C2CD2: variants seen among roughly 807,000 people sequenced by gnomAD.
C2CD2 encodes the protein C2 domain-containing protein 2.
In C2CD2, 43 loss-of-function variants were observed where a neutral mutation model predicts 74.3. That is an observed-to-expected ratio of 0.58 (90% CI 0.45 to 0.75). C2CD2 has a LOEUF of 0.75. Ranked by LOEUF, C2CD2 falls within the 30% of genes least tolerant of loss-of-function variation. The pLI is 0.00. For missense variants in C2CD2, 801 were observed against 916.3 expected (o/e 0.87, Z 1.63); for synonymous variants, 422 against 390.7 (o/e 1.08, Z -0.94).
intron 3 of C2CD2, among the ~76,000 whole-genome samples, chr21:41,919,187 AATGTGTGC>A (rs2065128167): frequency 6.6e-6 from 1 of 151,920 alleles, no homozygotes; most frequent in Admixed American, 6.5e-5. Context: ...TGTGAGTGTG[AATGTGTGC>A]ATGTGCATGT....
In C2CD2 at chr21:41,918,952, G is replaced by A. The variant is rs531119471; in HGVS notation, c.501C>T (p.Phe167=). Reference sequence around the variant, plus strand: ...GGTCCTCTCTCTTCTCCTTCATGTGGAACTCCAGCTATTAAAAAACAAGTT... The same window carrying A: ...GGTCCTCTCTCTTCTCCTTCATGTGAAACTCCAGCTATTAAAAAACAAGTT... ...RLSPFHLQLE[F]HMKEKREDLQ... The change falls in exon 4 of 14, where the codon TTC becomes TTT. Residue 167 remains phenylalanine (F), a synonymous_variant. Coordinates refer to ENST00000380486, the MANE Select transcript of C2CD2 (RefSeq NM_015500.2). 22 of 1,613,230 alleles carry A rather than the reference G, an allele frequency of 1.4e-5. No individual in the cohort carries two copies. In the South Asian group the frequency reaches 1.8e-4, roughly 13 times the overall value.
intron 2 of C2CD2, among the ~76,000 whole-genome samples, chr21:41,936,479 T>A (rs1010286063): frequency 5.9e-5 from 9 of 152,214 alleles, no homozygotes; most frequent in Non-Finnish European, 1.5e-5. Flanking sequence ...GGAACCCTTG[T>A]ATGCTGTTGG....
chr21:41,952,873 C>G (rs2065461094), intron 1 of C2CD2: 1 of 153,008 alleles, frequency 6.5e-6, no homozygotes, highest in Non-Finnish European at 1.5e-5. Context: ...GATGTCTGCC[C>G]AGCGGCTGGC....
chr21:41,949,384 T>G (rs964552131), intron 1 of C2CD2, among the ~76,000 whole-genome samples: 1 of 152,230 alleles, frequency 6.6e-6, no homozygotes, highest in South Asian at 2.1e-4. Flanking sequence ...ACTGAGCCAG[T>G]TCTGGGATCT....
intron 8 of C2CD2, 44 bp from the exon 9 acceptor site, chr21:41,907,828 C>A: frequency 6.2e-7 from 1 of 1,612,738 alleles, no homozygotes; most frequent in South Asian, 1.1e-5. Context: ...TGATGTTTCC[C>A]GGGCTTCCGT....
At chr21:41,921,273 G>A (rs1465724293) in intron 3 of C2CD2, among the ~76,000 whole-genome samples, 2 of 152,178 alleles carry the variant, frequency 1.3e-5, no homozygotes, top group Admixed American at 6.5e-5. Context: ...AGTGACCCTC[G>A]AAACAAGCCC....
At chr21:41,942,886 C>G in intron 1 of C2CD2, 4 of 818,982 alleles carry the variant, frequency 4.9e-6, no homozygotes, top group Non-Finnish European at 5.9e-6. Context: ...ACCCCTACTT[C>G]ACAGCCCTCT....
At chr21:41,950,511 C>T (rs1419370579) in intron 1 of C2CD2, among the ~76,000 whole-genome samples, 1 of 152,266 alleles carries the variant, frequency 6.6e-6, no homozygotes, top group Non-Finnish European at 1.5e-5. Context: ...TCCTCCGGTG[C>T]TGACCAGTCC....
intron 12 of C2CD2, chr21:41,901,230 C>CA (rs1601554416): frequency 6.5e-6 from 2 of 307,964 alleles, no homozygotes; most frequent in Non-Finnish European, 6.3e-6. Context: ...ACATTCACTG[C>CA]AAAAAAGTAA....
rs530826861 is a variant in C2CD2, at chr21:41,942,344, C to T, written c.280-99G>A. The T allele has an allele frequency of 6.7e-6, 6 of 890,398 alleles. No individual in the cohort carries two copies. The East Asian group carries it at 1.3e-4, about 20-fold the overall frequency. 55.2% of individuals were successfully genotyped at this position (890,398 alleles called of 1,614,324 possible). ...AGTTCTGAAAAATTAAGAAAATGTACTAACACATCTTTCTGTGAACTCTGT... is the reference window on the plus strand; with the variant it reads ...AGTTCTGAAAAATTAAGAAAATGTATTAACACATCTTTCTGTGAACTCTGT... On this transcript the variant is annotated intron_variant, in intron 1 of 13. Transcript: ENST00000380486.
intron 2 of C2CD2, among the ~76,000 whole-genome samples, chr21:41,922,411 C>T (rs979981594): frequency 1.3e-5 from 2 of 152,078 alleles, no homozygotes; most frequent in Admixed American, 1.3e-4. Context: ...ACAATCTTCC[C>T]ACCTTGGCCT....
chr21:41,952,224 G>T (rs1292918056), intron 1 of C2CD2, among the ~76,000 whole-genome samples: 2 of 152,212 alleles, frequency 1.3e-5, no homozygotes, highest in South Asian at 2.1e-4. Flanking sequence ...AGTCATTTAT[G>T]TTCTTTTTCA....
Position 41,899,180 on chromosome 21 carries a change from G to A in C2CD2, c.1743C>T (p.Ser581=), listed in dbSNP as rs2064860699. 1 of 1,613,152 alleles carries A rather than the reference G, an allele frequency of 6.2e-7. No individual in the cohort carries two copies. Among genetic ancestry groups the A allele is most frequent in the Non-Finnish European group, 8.5e-7 (1 of 1,179,756 alleles). The change falls in exon 13 of 14, where the codon TCC becomes TCT. Residue 581 remains serine, a synonymous_variant. Transcript: ENST00000380486. The surrounding 1 kb of genome is among the most constrained non-coding windows in gnomAD (Gnocchi z 4.4). ...CCTGTGGCTCCTTCTCCAAGTCCCA[G>A]GAGTCTAGCTCGTCCTCCTGGGGCT... ...APKPQEDELD[S]WDLEKEPQAA...
At chr21:41,904,392 A>G (rs1204566225) in intron 11 of C2CD2, among the ~76,000 whole-genome samples, 3 of 152,184 alleles carry the variant, frequency 2.0e-5, no homozygotes, top group Non-Finnish European at 4.4e-5. Flanking sequence ...GAACCAGAAA[A>G]AGAGCCAACC....
chr21:41,940,793 A>C (rs1601601496), intron 2 of C2CD2, among the ~76,000 whole-genome samples: 1 of 152,222 alleles, frequency 6.6e-6, no homozygotes, highest in Admixed American at 6.5e-5. Flanking sequence ...CTAAAGTGAG[A>C]CCATACCATC....
rs186488684 is a variant in C2CD2 at position 41,890,958 on chromosome 21, C to T, written c.1871-1614G>A. Among the ~76,000 whole-genome samples, 59 of 152,250 alleles carry T rather than the reference C, an allele frequency of 3.9e-4. No homozygotes were observed. In the East Asian group the frequency reaches 8.7e-3, roughly 22 times the overall value. ...GACAGAAACTGAGAAGATGAAAGGCCGCAATGGACTGAATTTAATTTGATC... is the reference window on the plus strand; with the variant it reads ...GACAGAAACTGAGAAGATGAAAGGCTGCAATGGACTGAATTTAATTTGATC... On this transcript the variant is annotated intron_variant, in intron 13 of 13. Coordinates refer to ENST00000380486, the MANE Select transcript of C2CD2 (RefSeq NM_015500.2).
chr21:41,907,212 C>A (rs2146167267), intron 9 of C2CD2, 46 bp from the exon 10 acceptor site: 1 of 1,515,664 alleles, frequency 6.6e-7, no homozygotes, highest in Non-Finnish European at 9.2e-7. Flanking sequence ...TGGAAGTTGC[C>A]CAGGCTGATC....
At chr21:41,904,793 A>C (rs1309839195) in intron 11 of C2CD2, among the ~76,000 whole-genome samples, 1 of 152,194 alleles carries the variant, frequency 6.6e-6, no homozygotes, top group Non-Finnish European at 1.5e-5. Context: ...CAGACACAGG[A>C]CTCAGCGAAT....
intron 2 of C2CD2, among the ~76,000 whole-genome samples, chr21:41,935,743 T>C (rs1227644904): frequency 6.6e-6 from 1 of 151,870 alleles, no homozygotes; most frequent in Non-Finnish European, 1.5e-5. Context: ...TCCCAGCTAC[T>C]CGGGAGGCTG....
Sources: allele counts gnomAD v4.1 joint callset (sites outside exome capture counted in the v4.1 genomes callset), GRCh38; gene constraint gnomAD v4.1.1; non-coding constraint Gnocchi (gnomAD v3.1); transcripts MANE v1.5; gene names NCBI Gene and HGNC (gene_info 2026-07-23, HGNC 2026-07-21).